The following OLFM2 variants were observed in gnomAD, a reference collection of about 807,000 sequenced individuals.
OLFM2 encodes noelin-2.
OLFM2 carries 20 observed loss-of-function variants against 43.9 expected under a neutral mutation model. The observed-to-expected ratio is 0.46, with a 90% confidence interval of 0.32 to 0.66. The LOEUF (loss-of-function observed/expected upper bound fraction) is 0.66. Ranked by LOEUF, OLFM2 falls within the 30% of genes least tolerant of loss-of-function variation. The probability of loss-of-function intolerance (pLI) is 0.04; values close to 1 mark genes in which losing one functional copy is unlikely to be tolerated. For synonymous variants in OLFM2, 268 were observed against 278.6 expected (o/e 0.96, Z 0.38); for missense variants, 416 against 643.6 (o/e 0.65, Z 3.83).
chr19:9,918,242 G>A (rs2086398457), intron 1 of OLFM2, among the ~76,000 whole-genome samples: 1 of 151,970 alleles, frequency 6.6e-6, no homozygotes, highest in African/African-American at 2.4e-5. Context: ...CCAGGCTGGA[G>A]TGCAGTGGTG....
At chr19:9,858,438 C>T (rs563653453) in intron 2 of OLFM2, among the ~76,000 whole-genome samples, 2 of 152,136 alleles carry the variant, frequency 1.3e-5, no homozygotes, top group Non-Finnish European at 2.9e-5. Flanking sequence ...GGTAGCCGCT[C>T]ACTCACTCTC....
intron 1 of OLFM2, among the ~76,000 whole-genome samples, chr19:9,865,493 T>TC (rs1241441698): frequency 2.4e-4 from 31 of 130,616 alleles, no homozygotes; most frequent in Non-Finnish European, 3.1e-4. Flanking sequence ...TTCTTTTTTT[T>TC]TTTTTTTTTT....
chr19:9,884,525 C>T (rs1251383826), intron 1 of OLFM2, among the ~76,000 whole-genome samples: 10 of 152,048 alleles, frequency 6.6e-5, no homozygotes, highest in South Asian at 6.2e-4. Context: ...TGCACTGAGC[C>T]GAGATTGTGC....
At chr19:9,927,887 C>A (rs1372171593) in intron 1 of OLFM2, among the ~76,000 whole-genome samples, 2 of 151,542 alleles carry the variant, frequency 1.3e-5, no homozygotes, top group Admixed American at 6.6e-5. Context: ...TATTGTGAAA[C>A]CCTGTCTCTA....
chr19:9,884,276 TAAAAAA>T (rs4044581), intron 1 of OLFM2, among the ~76,000 whole-genome samples: 2 of 130,942 alleles, frequency 1.5e-5, no homozygotes, highest in Non-Finnish European at 3.2e-5. Context: ...TCTCAAAAAT[TAAAAAA>T]AAAAAAAAAA....
At chr19:9,896,063 G>A (rs565464273) in intron 1 of OLFM2, among the ~76,000 whole-genome samples, 3 of 148,222 alleles carry the variant, frequency 2.0e-5, no homozygotes, top group Non-Finnish European at 3.0e-5. Context: ...TGGTCTCCTC[G>A]TTCCCAGGCC....
At chr19:9,930,597 C>A (rs2086476568) in intron 1 of OLFM2, among the ~76,000 whole-genome samples, 1 of 151,796 alleles carries the variant, frequency 6.6e-6, no homozygotes, top group African/African-American at 2.4e-5. Flanking sequence ...GTAATCCCAG[C>A]ACTTTGGGAG....
intron 1 of OLFM2, among the ~76,000 whole-genome samples, chr19:9,875,279 T>G (rs1370988681): frequency 2.0e-5 from 3 of 152,162 alleles, no homozygotes; most frequent in African/African-American, 7.2e-5. Flanking sequence ...TCTAGCAAGA[T>G]GGGGTTTCTT....
At chr19:9,932,182 G>C (rs539726191) in intron 1 of OLFM2, among the ~76,000 whole-genome samples, 2 of 150,308 alleles carry the variant, frequency 1.3e-5, no homozygotes, top group Admixed American at 6.6e-5. Flanking sequence ...AAATATGGCC[G>C]GGCGTGGTGG....
intron 1 of OLFM2, among the ~76,000 whole-genome samples, chr19:9,863,324 C>A (rs894991264): frequency 1.3e-5 from 2 of 151,958 alleles, no homozygotes; most frequent in African/African-American, 2.4e-5. Flanking sequence ...GGGTTCTGCC[C>A]TGAGGAAGGT....
intron 1 of OLFM2, among the ~76,000 whole-genome samples, chr19:9,897,327 C>CAAA (rs1160281673): frequency 4.3e-5 from 4 of 93,370 alleles, no homozygotes; most frequent in Admixed American, 1.3e-4. Context: ...GACTTCGTCT[C>CAAA]AAAAAAAAAA....
intron 1 of OLFM2, among the ~76,000 whole-genome samples, chr19:9,886,262 A>G (rs757452443): frequency 4.6e-5 from 7 of 152,054 alleles, no homozygotes; most frequent in Non-Finnish European, 1.0e-4. Context: ...CTGGAGTACA[A>G]TGGAGTGATC....
At chr19:9,873,915 C>T (rs374904274) in intron 1 of OLFM2, among the ~76,000 whole-genome samples, 3 of 135,156 alleles carry the variant, frequency 2.2e-5, no homozygotes, top group East Asian at 2.3e-4. Context: ...TCTCCCAAAG[C>T]GCTGAAATTA....
rs573998310 is a variant in OLFM2, at chr19:9,888,857, G to C, written c.64-28063C>G. On this transcript the variant is annotated intron_variant, in intron 1 of 5. Transcript: ENST00000264833. ...CGAGGCGGGCGGATCACAAGGTCAG[G>C]AGATCGAGACCATCCTGGCTAACAC... Among the ~76,000 whole-genome samples the C allele has an allele frequency of 6.6e-5, 10 of 152,226 alleles. No individual in the cohort carries two copies. The South Asian group carries it at 2.1e-3, about 32-fold the overall frequency.
chr19:9,916,057 ATTG>A (rs940388580), intron 1 of OLFM2, among the ~76,000 whole-genome samples: 13 of 151,664 alleles, frequency 8.6e-5, no homozygotes, highest in Admixed American at 6.6e-4. Context: ...AGTAGCTACC[ATTG>A]TTGTTATTAT....
intron 1 of OLFM2, among the ~76,000 whole-genome samples, chr19:9,921,244 G>A (rs2086417873): frequency 6.6e-6 from 1 of 151,822 alleles, no homozygotes; most frequent in African/African-American, 2.4e-5. Context: ...AACCTTCCGA[G>A]TAGCTGGGAC....
At chr19:9,920,560 T>A (rs906967222) in intron 1 of OLFM2, among the ~76,000 whole-genome samples, 1 of 152,050 alleles carries the variant, frequency 6.6e-6, no homozygotes, top group Non-Finnish European at 1.5e-5. Context: ...TTCCCCATCA[T>A]CATCACTGTG....
At chr19:9,913,817 G>T in intron 1 of OLFM2, 1 of 377,718 alleles carries the variant, frequency 2.6e-6, no homozygotes. Context: ...CGCCTGGCGG[G>T]CTCCTCTTAT....
intron 1 of OLFM2, among the ~76,000 whole-genome samples, chr19:9,894,391 TAATAATAATAATAATAATAATA>T (rs1382388267): frequency 8.3e-5 from 7 of 84,818 alleles, no homozygotes; most frequent in South Asian, 3.3e-4. Flanking sequence ...ATAATAATAA[TAATAATAATAATAATAATAATA>T]AATAAATAAA....
Sources: gnomAD v4.1 joint callset for allele counts (sites outside exome capture counted in the v4.1 genomes callset) on GRCh38, gnomAD v4.1.1 for gene constraint, MANE v1.5 for transcripts, NCBI Gene and HGNC (gene_info 2026-07-23, HGNC 2026-07-21) for gene names.